Variants in UNC5D observed in about 807,000 individuals in gnomAD.
UNC5D encodes the protein unc-5 netrin receptor D.
Under a neutral mutation model 105.4 loss-of-function variants are expected in UNC5D, and 39 were observed. The observed-to-expected ratio is 0.37, with a 90% CI of 0.29 to 0.48. UNC5D has a LOEUF of 0.48. Among genes scored for constraint, UNC5D ranks in the 20% least tolerant of loss-of-function variants. UNC5D has a pLI of 0.98. For missense variants in UNC5D, 991 were observed against 1,202.4 expected, an observed-to-expected ratio of 0.82 and a Z score of 2.60; for synonymous variants, 452 against 450.4, an observed-to-expected ratio of 1.00 and a Z score of -0.04.
At chr8:35,754,766 G>A (rs1411878371) in intron 13 of UNC5D, among the ~76,000 whole-genome samples, 1 of 152,044 alleles carries the variant, frequency 6.6e-6, no homozygotes, top group Non-Finnish European at 1.5e-5. Flanking sequence ...TTGCTCTGGG[G>A]GTAGCTTATC....
chr8:35,388,288 T>C (rs1803560087), intron 1 of UNC5D, among the ~76,000 whole-genome samples: 1 of 151,972 alleles, frequency 6.6e-6, no homozygotes, highest in African/African-American at 2.4e-5. Flanking sequence ...CGCTTGAACC[T>C]GGGAGGTGGA....
chr8:35,364,254 C>G (rs1022433694), intron 1 of UNC5D, among the ~76,000 whole-genome samples: 61 of 121,270 alleles, frequency 5.0e-4, no homozygotes, highest in African/African-American at 1.8e-3. Context: ...CATGCTTTCT[C>G]TTATACTTTA....
intron 1 of UNC5D, among the ~76,000 whole-genome samples, chr8:35,336,291 A>G (rs1248125440): frequency 1.3e-5 from 2 of 152,148 alleles, no homozygotes; most frequent in African/African-American, 4.8e-5. Flanking sequence ...TGGGGACATC[A>G]TTTAACCTCT....
intron 4 of UNC5D, among the ~76,000 whole-genome samples, chr8:35,657,325 A>T (rs1391933904): frequency 6.6e-6 from 1 of 151,512 alleles, no homozygotes; most frequent in East Asian, 1.9e-4. Context: ...GTGGCCAAAA[A>T]ATCTGAAGGG....
intron 1 of UNC5D, among the ~76,000 whole-genome samples, chr8:35,380,240 T>G (rs779723181): frequency 5.8e-4 from 60 of 102,854 alleles, no homozygotes; most frequent in African/African-American, 2.1e-3. Flanking sequence ...AGAGAGAGAG[T>G]GAGAGAGACC....
In UNC5D at chr8:35,790,433, A is replaced by G. The variant is rs1268705619; in HGVS notation, c.2732A>G (p.His911Arg). The G allele has an allele frequency of 6.2e-7, 1 of 1,613,866 alleles. No individual in the cohort carries two copies. The highest frequency in any genetic ancestry group is 1.1e-5 in the South Asian group (1 of 91,092). The change falls in exon 17 of 17, where the codon CAT becomes CGT. Residue 911 changes from histidine (H) to arginine (R), a missense_variant. Physicochemically the swap from His to Arg is conservative, Grantham distance 29 (BLOSUM62 0). Around this residue, in one of 3 missense-constraint regions of UNC5D, gnomAD observed 45 missense variants for 54.5 expected, o/e 0.83. Transcript: ENST00000404895. ...AACCTGTGGGAAGCTCGTCATCAGC[A>G]TGATGGTGATCTTGACTCCCTGGCC... is the stretch of plus-strand genomic sequence containing the variant. ...ILNLWEARHQ[H>R]DGDLDSLACA...
chr8:35,594,117 A>T (rs1309325896), intron 3 of UNC5D, among the ~76,000 whole-genome samples: 1 of 152,126 alleles, frequency 6.6e-6, no homozygotes, highest in African/African-American at 2.4e-5. Context: ...GACAGCAGAG[A>T]AATGAGAGAA....
chr8:35,438,606 T>G (rs1467961190), intron 1 of UNC5D, among the ~76,000 whole-genome samples: 1 of 152,022 alleles, frequency 6.6e-6, no homozygotes, highest in Non-Finnish European at 1.5e-5. Context: ...GTACACATTT[T>G]TTTTTTTCCT....
intron 1 of UNC5D, among the ~76,000 whole-genome samples, chr8:35,516,140 G>T (rs997547068): frequency 3.3e-5 from 5 of 151,932 alleles, no homozygotes; most frequent in Non-Finnish European, 7.4e-5. Context: ...CCACTTTCTT[G>T]AAAAAGGCTT....
intron 1 of UNC5D, among the ~76,000 whole-genome samples, chr8:35,252,321 G>A (rs899267321): frequency 2.0e-5 from 3 of 152,118 alleles, no homozygotes; most frequent in Admixed American, 2.0e-4. Flanking sequence ...ATACTTAGAA[G>A]TAAAGTTATC....
At chr8:35,452,758 G>A (rs1808241928) in intron 1 of UNC5D, among the ~76,000 whole-genome samples, 1 of 152,138 alleles carries the variant, frequency 6.6e-6, no homozygotes, top group Admixed American at 6.6e-5. Flanking sequence ...AGAAAAATAA[G>A]TGGGTATTAC....
chr8:35,260,779 G>A (rs866088796), intron 1 of UNC5D, among the ~76,000 whole-genome samples: 15 of 152,136 alleles, frequency 9.9e-5, no homozygotes, highest in East Asian at 7.7e-4. Flanking sequence ...CGTAGGGAGC[G>A]TGTAGCAGCT....
intron 2 of UNC5D, among the ~76,000 whole-genome samples, chr8:35,554,770 C>A (rs6994832): frequency 6.6e-6 from 1 of 152,124 alleles, no homozygotes; most frequent in African/African-American, 2.4e-5. Context: ...TCAGAGATAT[C>A]GAATTCTAAT....
chr8:35,592,915 G>T (rs1819259086), intron 3 of UNC5D, among the ~76,000 whole-genome samples: 1 of 152,030 alleles, frequency 6.6e-6, no homozygotes, highest in Non-Finnish European at 1.5e-5. Context: ...AATGTCATTT[G>T]GAAAGAGCAG....
At chr8:35,752,758 C>T (rs764194892) in intron 13 of UNC5D, among the ~76,000 whole-genome samples, 4 of 152,318 alleles carry the variant, frequency 2.6e-5, no homozygotes, top group Non-Finnish European at 5.9e-5. Flanking sequence ...GTCACTACTA[C>T]TACTAACCAG....
At chr8:35,704,029 A>G (rs1209779612) in intron 7 of UNC5D, among the ~76,000 whole-genome samples, 1 of 152,218 alleles carries the variant, frequency 6.6e-6, no homozygotes, top group Non-Finnish European at 1.5e-5. Context: ...AGTAAGGGAA[A>G]TGCAAGTGTT....
intron 1 of UNC5D, among the ~76,000 whole-genome samples, chr8:35,499,719 T>A (rs556137382): frequency 6.6e-6 from 1 of 152,262 alleles, no homozygotes; most frequent in African/African-American, 2.4e-5. Flanking sequence ...GCAAGCTGTT[T>A]ATAAGCAGCA....
chr8:35,351,800 C>T (rs964237453), intron 1 of UNC5D, among the ~76,000 whole-genome samples: 1 of 151,948 alleles, frequency 6.6e-6, no homozygotes, highest in Non-Finnish European at 1.5e-5. Context: ...ATAATAAATG[C>T]AAGGTAAAAT....
intron 1 of UNC5D, among the ~76,000 whole-genome samples, chr8:35,245,172 G>A (rs879641748): frequency 6.6e-6 from 1 of 152,048 alleles, no homozygotes; most frequent in African/African-American, 2.4e-5. Flanking sequence ...GTTGTAAAGC[G>A]AAATTCTTCT....
Sources: allele counts gnomAD v4.1 joint callset (sites outside exome capture counted in the v4.1 genomes callset), GRCh38; gene constraint gnomAD v4.1.1; regional missense constraint gnomAD v4.1.1; transcripts MANE v1.5; gene names NCBI Gene and HGNC (gene_info 2026-07-23, HGNC 2026-07-21).